MAMDC2: variants seen among roughly 807,000 people sequenced by gnomAD.
The protein encoded by MAMDC2 is MAM domain containing 2.
A neutral mutation model predicts 89.8 loss-of-function variants in MAMDC2; 57 were observed. That is an observed-to-expected ratio of 0.63 (90% CI 0.51 to 0.79). MAMDC2 has a LOEUF of 0.79. MAMDC2 is among the 30% of genes least tolerant of loss of function. The pLI, the probability that MAMDC2 is intolerant of heterozygous loss-of-function variation, is 0.00. For synonymous variants in MAMDC2, 313 were observed against 293.4 expected, an observed-to-expected ratio of 1.07 and a Z score of -0.68; for missense variants, 800 against 820.6, an observed-to-expected ratio of 0.97 and a Z score of 0.31.
chr9:70,182,718 T>G (rs1032046331), intron 11 of MAMDC2, among the ~76,000 whole-genome samples: 1 of 152,220 alleles, frequency 6.6e-6, no homozygotes, highest in Non-Finnish European at 1.5e-5. Flanking sequence ...TTATCATTTT[T>G]TATTGCATCT....
chr9:70,184,059 C>A (rs2118583396), intron 11 of MAMDC2, among the ~76,000 whole-genome samples: 1 of 152,222 alleles, frequency 6.6e-6, no homozygotes, highest in African/African-American at 2.4e-5. Context: ...TTCAGGAGCT[C>A]TTGTAGGGCA....
chr9:70,138,283 G>C (rs1455594896), intron 7 of MAMDC2, among the ~76,000 whole-genome samples: 17 of 152,126 alleles, frequency 1.1e-4, no homozygotes, highest in Admixed American at 1.1e-3. Flanking sequence ...ATGTACATAT[G>C]ATACTTTCTT....
At chr9:70,168,908 A>G in intron 10 of MAMDC2, 113 bp downstream of exon 10, 1 of 860,950 alleles carries the variant, frequency 1.2e-6, no homozygotes, top group Non-Finnish European at 1.8e-6. Context: ...GCTTTTGTTG[A>G]CAAAGTGTCT....
At chr9:70,164,449 C>T (rs1042509415) in intron 9 of MAMDC2, among the ~76,000 whole-genome samples, 6 of 152,096 alleles carry the variant, frequency 3.9e-5, no homozygotes, top group East Asian at 3.9e-4. Context: ...CAGATTTCCT[C>T]GGCTATGAAT....
chr9:70,124,681 A>G (rs985679666), intron 5 of MAMDC2, among the ~76,000 whole-genome samples: 1 of 152,176 alleles, frequency 6.6e-6, no homozygotes, highest in Non-Finnish European at 1.5e-5. Context: ...TCTGCTCTTC[A>G]TAATGGAGAA....
At chr9:70,199,158 TA>T (rs1333656758) in intron 11 of MAMDC2, among the ~76,000 whole-genome samples, 1 of 146,436 alleles carries the variant, frequency 6.8e-6, no homozygotes, top group African/African-American at 2.5e-5. Context: ...CTGCACCCAC[TA>T]ACTCGTCATC....
intron 11 of MAMDC2, among the ~76,000 whole-genome samples, chr9:70,208,011 A>C (rs1331406265): frequency 6.6e-6 from 1 of 152,180 alleles, no homozygotes; most frequent in Non-Finnish European, 1.5e-5. Context: ...TGGTACCAGT[A>C]CCATGCTGTT....
At chr9:70,202,512 G>GA (rs921076599) in intron 11 of MAMDC2, among the ~76,000 whole-genome samples, 6 of 151,122 alleles carry the variant, frequency 4.0e-5, no homozygotes, top group South Asian at 4.2e-4. Flanking sequence ...GTGTGGTGCT[G>GA]AAAAAAAATG....
intron 11 of MAMDC2, among the ~76,000 whole-genome samples, chr9:70,197,115 A>G (rs1272998612): frequency 1.3e-5 from 2 of 152,114 alleles, no homozygotes; most frequent in Non-Finnish European, 2.9e-5. Flanking sequence ...GCCTTTTACC[A>G]TCACTGAATT....
chr9:70,141,461 G>A (rs2031218548), intron 8 of MAMDC2, among the ~76,000 whole-genome samples: 1 of 152,172 alleles, frequency 6.6e-6, no homozygotes, highest in African/African-American at 2.4e-5. Flanking sequence ...AAGGGCAAGA[G>A]AAACATTAGA....
At chr9:70,161,332 A>G (rs999986778) in intron 9 of MAMDC2, among the ~76,000 whole-genome samples, 2 of 152,216 alleles carry the variant, frequency 1.3e-5, no homozygotes, top group Non-Finnish European at 2.9e-5. Context: ...ACACTGAGAA[A>G]AGCTGGAAGC....
chr9:70,193,976 A>G (rs1461115654), intron 11 of MAMDC2: 1 of 152,130 alleles, frequency 6.6e-6, no homozygotes, highest in Non-Finnish European at 1.5e-5. Flanking sequence ...TCCATTAAAT[A>G]AAAAGAGAAG....
At chr9:70,184,466 T>C (rs1339204153) in intron 11 of MAMDC2, among the ~76,000 whole-genome samples, 2 of 152,226 alleles carry the variant, frequency 1.3e-5, no homozygotes, top group South Asian at 2.1e-4. Flanking sequence ...GATAATACCA[T>C]GAAGTATGTT....
intron 2 of MAMDC2, among the ~76,000 whole-genome samples, chr9:70,073,991 C>A (rs1249983881): frequency 1.3e-5 from 2 of 152,206 alleles, no homozygotes; most frequent in African/African-American, 4.8e-5. Context: ...CTGATGAAAG[C>A]CATGGATTCT....
intron 11 of MAMDC2, chr9:70,171,946 C>T (rs992468283): frequency 4.0e-5 from 6 of 151,888 alleles, no homozygotes; most frequent in African/African-American, 4.8e-5. Context: ...GCAGTTTGGA[C>T]AAGCTTGATC....
At position 70,112,209 on chromosome 9, in the gene MAMDC2, G is replaced by T. The variant is rs12352907; in HGVS notation, c.506-786G>T. The stretch of plus-strand genomic sequence containing the variant: ...CTAGTTTAACTGTGTGATTATAAGG[G>T]TCAATGGAGGCATTAGCTTGTGGGT... On this transcript the variant is annotated intron_variant, in intron 4 of 13. Transcript: ENST00000377182. 4.8e-4 allele frequency among the ~76,000 whole-genome samples: 73 copies of T among 152,284 alleles called. 1 individual carries two copies. Among genetic ancestry groups the T allele is most frequent in the Admixed American group, 2.0e-3 (30 of 15,290 alleles).
intron 2 of MAMDC2, chr9:70,086,269 T>C (rs1395840652): frequency 6.6e-6 from 1 of 152,190 alleles, no homozygotes; most frequent in African/African-American, 2.4e-5. Context: ...TATGCTTTCA[T>C]AAAAATTATC....
At chr9:70,207,796 A>T (rs1227900305) in intron 11 of MAMDC2, among the ~76,000 whole-genome samples, 5 of 152,152 alleles carry the variant, frequency 3.3e-5, no homozygotes. Context: ...TCCATCTTGA[A>T]TTAATTTTTG....
intron 11 of MAMDC2, among the ~76,000 whole-genome samples, chr9:70,197,664 TAAAAA>T (rs1450496306): frequency 6.6e-6 from 1 of 152,136 alleles, no homozygotes; most frequent in Non-Finnish European, 1.5e-5. Flanking sequence ...TTTAATGAGT[TAAAAA>T]GAAAGAGACA....
Sources: gnomAD v4.1 joint callset for allele counts (sites outside exome capture counted in the v4.1 genomes callset) on GRCh38, gnomAD v4.1.1 for gene constraint, MANE v1.5 for transcripts, NCBI Gene and HGNC (gene_info 2026-07-23, HGNC 2026-07-21) for gene names.